Variants in INHBA observed in about 807,000 individuals in gnomAD.
The protein encoded by INHBA is inhibin subunit beta A.
In INHBA, 1 loss-of-function variant was observed where a neutral mutation model predicts 29.0. That is an observed-to-expected ratio of 0.03 (90% CI 0.01 to 0.16). The LOEUF is 0.16. Ranked by LOEUF, INHBA falls within the 10% of genes least tolerant of loss-of-function variation. The pLI is 1.00. For synonymous variants in INHBA, 242 were observed against 216.8 expected (o/e 1.12, Z -1.02); for missense variants, 376 against 545.4 (o/e 0.69, Z 3.09).
chr7:41,704,516 G>T (rs143274205), upstream of INHBA, among the ~76,000 whole-genome samples: 12 of 152,140 alleles, frequency 7.9e-5, no homozygotes, highest in African/African-American at 2.9e-4. Context: ...CTGAGAATTA[G>T]TGGAGTCAAT....
rs555052651 is a variant in INHBA, at chr7:41,689,309, G to A, written c.*341C>T. ...GATTGGTTGATTCAAGGCTCACAAG[G>A]GAACCTCAAGGGGGGAAAGGACAAT... On this transcript the variant is annotated 3_prime_UTR_variant, in exon 3 of 3. Transcript: ENST00000242208. The A allele has an allele frequency of 2.6e-5, 7 of 273,302 alleles. No homozygotes were observed. In the Admixed American group the frequency reaches 3.5e-4, roughly 14 times the overall value. The allele number at this position is 273,302 out of a possible 1,614,324, so 16.9% of individuals were successfully genotyped here. A position where few individuals can be genotyped will look rare whatever the true frequency, so the allele number is the denominator to read the frequency against.
chr7:41,689,665 C>T lies in INHBA; in HGVS notation c.1266G>A (p.Glu422=), dbSNP rs1794457759. 2 of 1,582,302 alleles carry T rather than the reference C, an allele frequency of 1.3e-6. No individual in the cohort carries two copies. Among genetic ancestry groups the T allele is most frequent in the Admixed American group, 1.7e-5 (1 of 58,556 alleles). Residue 422 remains glutamate (E), a synonymous_variant, in exon 3 of 3, where the codon GAG becomes GAA. Transcript: ENST00000242208. Reference sequence around the variant, plus strand: ...CTGGGCAACTCTATGAGCACCCACACTCCTCCACGATCATGTTCTGAATGT... The same window carrying T: ...CTGGGCAACTCTATGAGCACCCACATTCCTCCACGATCATGTTCTGAATGT... ...KKDIQNMIVE[E]CGCS
intron 2 of INHBA, among the ~76,000 whole-genome samples, chr7:41,695,899 T>C (rs1295010110): frequency 6.6e-6 from 1 of 152,078 alleles, no homozygotes; most frequent in Admixed American, 6.5e-5. Context: ...CCAAGACAAA[T>C]ATGTGTTTTC....
chr7:41,700,342 C>T lies in INHBA; in HGVS notation c.33G>A (p.Leu11=). The part of the protein sequence containing the change: MPLLWLRGFL[L]ASCWIIVRSS... Reference sequence around the variant, plus strand: ...TCCTCACTATAATCCAGCAACTTGCCAACAGAAATCCTCTCAGCCAAAGCA... The same window carrying T: ...TCCTCACTATAATCCAGCAACTTGCTAACAGAAATCCTCTCAGCCAAAGCA... The change falls in exon 2 of 3, where the codon TTG becomes TTA. Residue 11 remains leucine, a synonymous_variant. Transcript: ENST00000242208. The T allele has an allele frequency of 6.7e-7, 1 of 1,502,480 alleles. No homozygotes were observed. The highest frequency in any genetic ancestry group is 8.9e-7 in the Non-Finnish European group (1 of 1,126,102). 93.1% of individuals were successfully genotyped at this position (1,502,480 alleles called of 1,614,324 possible). A position where few individuals can be genotyped will look rare whatever the true frequency, so the allele number is the denominator to read the frequency against.
At position 41,689,827 on chromosome 7, in the gene INHBA, G is replaced by A. The variant is rs1794460318; in HGVS notation, c.1104C>T (p.Phe368=). The change falls in exon 3 of 3, where the codon TTC becomes TTT. Residue 368 remains phenylalanine (F), a synonymous_variant. Coordinates refer to ENST00000242208, the MANE Select transcript of INHBA (RefSeq NM_002192.4). ...IAGTSGSSLS[F]HSTVINHYRM... ...GGTAGTGGTTGATGACTGTTGAGTG[G>A]AAGGACAGTGAGGACCCGGACGTGC... 1 of 1,614,150 alleles carries A rather than the reference G, an allele frequency of 6.2e-7. No homozygotes were observed. Among genetic ancestry groups the A allele is most frequent in the Non-Finnish European group, 8.5e-7 (1 of 1,180,008 alleles).
At chr7:41,704,229 G>A (rs1562573141), upstream of INHBA, among the ~76,000 whole-genome samples, 1 of 152,096 alleles carries the variant, frequency 6.6e-6, no homozygotes, top group African/African-American at 2.4e-5. Context: ...GTTCCATTAG[G>A]ACACCAGAAG....
rs751698799 is a variant in INHBA at position 41,690,541 on chromosome 7, T to C, written c.390A>G (p.Gly130=). ...CGAAGTGCAGCGTCTTCCTGGCTGT[T>C]CCTGAAGATGAAAGACAGCATAAGA... is the stretch of plus-strand genomic sequence containing the variant. ...TSEIITFAES[G]TARKTLHFEI... Residue 130 remains glycine, a splice_region_variant and synonymous_variant, in exon 3 of 3, where the codon GGA becomes GGG. Coordinates refer to ENST00000242208, the MANE Select transcript of INHBA (RefSeq NM_002192.4). 2 of 1,590,414 alleles carry C rather than the reference T, an allele frequency of 1.3e-6. No individual in the cohort carries two copies. The highest frequency in any genetic ancestry group is 1.1e-5 in the South Asian group (1 of 88,030).
chr7:41,690,782 A>T (rs543669987), intron 2 of INHBA, among the ~76,000 whole-genome samples: 16 of 152,262 alleles, frequency 1.1e-4, no homozygotes, highest in Middle Eastern at 3.4e-3. Flanking sequence ...AATTACCTGA[A>T]ATTTAAACAT....
chr7:41,703,536 C>A (rs906114704), upstream of INHBA, among the ~76,000 whole-genome samples: 5 of 151,962 alleles, frequency 3.3e-5, no homozygotes, highest in African/African-American at 1.2e-4. Flanking sequence ...TATAGGGATT[C>A]TAATTTTATA....
chr7:41,704,841 C>T (rs945709112), upstream of INHBA, among the ~76,000 whole-genome samples: 3 of 152,098 alleles, frequency 2.0e-5, no homozygotes, highest in Non-Finnish European at 4.4e-5. Flanking sequence ...TTCTGAGAAG[C>T]CTGGTGGCTG....
rs1794378258 is a variant in INHBA, at chr7:41,685,507, A to T, written c.*4143T>A. 6.6e-6 allele frequency: 1 copy of T among 152,112 alleles called. No individual in the cohort carries two copies. Among genetic ancestry groups the T allele is most frequent in the South Asian group, 2.1e-4 (1 of 4,832 alleles). 9.4% of individuals were successfully genotyped at this position (152,112 alleles called of 1,614,324 possible). ...GTAAAAAACCAACAAAATAGAAACA[A>T]ACAAACAAACAACATCAACCACAGA... On this transcript the variant is annotated 3_prime_UTR_variant, in exon 3 of 3. Transcript: ENST00000242208.
intron 2 of INHBA, among the ~76,000 whole-genome samples, chr7:41,698,804 T>C (rs1419815590): frequency 2.0e-5 from 3 of 152,204 alleles, no homozygotes; most frequent in East Asian, 1.9e-4. Context: ...GGTTTTCAGA[T>C]TGGAAATTCT....
At position 41,686,637 on chromosome 7, in the gene INHBA, A is replaced by G. The variant is rs1216879008; in HGVS notation, c.*3013T>C. ...AATTAAAGTTTGTGGGTGTTTGATAACCCAATCACTCAATATCCAATTAAA... is the reference window on the plus strand; with the variant it reads ...AATTAAAGTTTGTGGGTGTTTGATAGCCCAATCACTCAATATCCAATTAAA... On this transcript the variant is annotated 3_prime_UTR_variant, in exon 3 of 3. Transcript: ENST00000242208. 6.6e-6 allele frequency: 1 copy of G among 152,074 alleles called. No homozygotes were observed. The highest frequency in any genetic ancestry group is 1.5e-5 in the Non-Finnish European group (1 of 67,992). The allele number at this position is 152,074 out of a possible 1,614,324, so 9.4% of individuals were successfully genotyped here. A position where few individuals can be genotyped will look rare whatever the true frequency, so the allele number is the denominator to read the frequency against.
chr7:41,699,687 C>T (rs994104266), intron 2 of INHBA, among the ~76,000 whole-genome samples: 12 of 152,144 alleles, frequency 7.9e-5, no homozygotes, highest in African/African-American at 2.7e-4. Context: ...CCCTCACAGT[C>T]TGCCTTCCAG....
At position 41,700,278 on chromosome 7, in the gene INHBA, G is replaced by A; in HGVS notation, c.97C>T (p.Pro33Ser). ...GCCAGCGCACAGGACGGACAGTCGG[G>A]GGCCGCGCTGTGCCCCTCGGATCCT... is the stretch of plus-strand genomic sequence containing the variant. ...TPGSEGHSAA[P>S]DCPSCALAAL... The change falls in exon 2 of 3, where the codon CCC becomes TCC. Residue 33 changes from proline (P) to serine (S), a missense_variant. Physicochemically the swap from Pro to Ser is moderately conservative, Grantham distance 74. This residue lies in a region of INHBA where 71 missense variants were observed against 77.0 expected (regional missense o/e 0.92). Transcript: ENST00000242208. The A allele has an allele frequency of 3.1e-6, 5 of 1,599,060 alleles. No homozygotes were observed. Among genetic ancestry groups the A allele is most frequent in the Non-Finnish European group, 4.3e-6 (5 of 1,170,820 alleles).
At chr7:41,702,716 C>T (rs1031654643) in intron 1 of INHBA, among the ~76,000 whole-genome samples, 6 of 152,202 alleles carry the variant, frequency 3.9e-5, no homozygotes, top group African/African-American at 1.4e-4. Flanking sequence ...ATTCTCTCTG[C>T]ATCTGAGTAT....
In INHBA at chr7:41,686,623, G is replaced by T. The variant is rs1262069103; in HGVS notation, c.*3027C>A. ...TATAAATTTAACAAAATTAAAGTTTGTGGGTGTTTGATAACCCAATCACTC... is the reference window on the plus strand; with the variant it reads ...TATAAATTTAACAAAATTAAAGTTTTTGGGTGTTTGATAACCCAATCACTC... On this transcript the variant is annotated 3_prime_UTR_variant, in exon 3 of 3. Coordinates refer to ENST00000242208, the MANE Select transcript of INHBA (RefSeq NM_002192.4). 6.6e-6 allele frequency: 1 copy of T among 152,154 alleles called. No individual in the cohort carries two copies. The highest frequency in any genetic ancestry group is 1.5e-5 in the Non-Finnish European group (1 of 68,010). The allele number at this position is 152,154 out of a possible 1,614,324, so 9.4% of individuals were successfully genotyped here.
At chr7:41,695,082 C>T (rs1794615338) in intron 2 of INHBA, among the ~76,000 whole-genome samples, 1 of 152,154 alleles carries the variant, frequency 6.6e-6, no homozygotes, top group African/African-American at 2.4e-5. Context: ...TGGACTCATC[C>T]AAAAGTCCAG....
At position 41,700,449 on chromosome 7, in the gene INHBA, T is replaced by G. The variant is rs186200904; in HGVS notation, c.-75A>C. The G allele has an allele frequency of 6.7e-4, 900 of 1,347,348 alleles. 15 individuals are homozygous for G. The East Asian group carries it at 0.02, about 31-fold the overall frequency. 83.5% of individuals were successfully genotyped at this position (1,347,348 alleles called of 1,614,324 possible). ...CCTCCCCCCTCACGCGCAGGTTTTT[T>G]TGTGTGTGTGGATTTTTTTATTTTT... On this transcript the variant is annotated 5_prime_UTR_variant, in exon 2 of 3. Coordinates refer to ENST00000242208, the MANE Select transcript of INHBA (RefSeq NM_002192.4).
Sources: gnomAD v4.1 joint callset for allele counts (sites outside exome capture counted in the v4.1 genomes callset) on GRCh38, gnomAD v4.1.1 for gene constraint, gnomAD v4.1.1 regional missense constraint, MANE v1.5 for transcripts, NCBI Gene and HGNC (gene_info 2026-07-23, HGNC 2026-07-21) for gene names.